The following KBTBD8 variants were observed in gnomAD, a reference collection of about 807,000 sequenced individuals.
KBTBD8 encodes the protein kelch repeat and BTB domain containing 8, also known as kelch repeat and BTB domain-containing protein 8.
KBTBD8 carries 31 observed loss-of-function variants against 53.5 expected under a neutral mutation model. The ratio of observed to expected loss-of-function variants is 0.58; its 90% CI spans 0.44 to 0.78. The LOEUF is 0.78. Ranked by LOEUF, KBTBD8 falls within the 30% of genes least tolerant of loss-of-function variation. KBTBD8 has a pLI of 0.00. For missense variants in KBTBD8, 642 were observed against 735.8 expected (o/e 0.87, Z 1.48); for synonymous variants, 250 against 247.3 (o/e 1.01, Z -0.10).
Position 67,003,455 on chromosome 3 carries a change from G to T in KBTBD8, c.488G>T (p.Gly163Val). 6.2e-7 allele frequency: 1 copy of T among 1,614,080 alleles called. No individual in the cohort carries two copies. Among genetic ancestry groups the T allele is most frequent in the Non-Finnish European group, 8.5e-7 (1 of 1,180,004 alleles). Residue 163 changes from glycine (G) to valine (V), a missense_variant, in exon 3 of 4, where the codon GGT becomes GTT. Transcript: ENST00000417314. ...GTCTTTATCTTTGCTGATCATTATG[G>T]TCATCAGGAACTCGGAGATCGATCA... ...IGVFIFADHY[G>V]HQELGDRSKE...
rs149118627 is a variant in KBTBD8, at chr3:67,002,654, C to T, written c.228-541C>T. ...AGTAGCTGGGATTACAGGGATGTGC[C>T]ACCACGCCCAGCTAATTTTTTATTT... On this transcript the variant is annotated intron_variant, in intron 2 of 3. Transcript: ENST00000417314. Among the ~76,000 whole-genome samples the T allele has an allele frequency of 9.3e-3, 1,412 of 151,634 alleles. 26 individuals carry two copies. The highest frequency in any genetic ancestry group is 0.033 in the African/African-American group (1,344 of 41,346).
In KBTBD8 at chr3:67,004,134, TG is replaced by T; in HGVS notation, c.1169del (p.Gly390ValfsTer19). On this transcript the variant is annotated frameshift_variant, in exon 3 of 4. Transcript: ENST00000417314. LOFTEE classifies it high-confidence loss of function. Reference protein sequence around the residue: ...RIGCKLVYCCGKMYAIGGRVY... With the variant: ...RIGCKLVYCCXKMYAIGGRVY... ...TAGGCTGCAAACTTGTCTATTGCTG[TG>T]GTAAAATGTATGCAATCGGAGGTCG... The T allele has an allele frequency of 6.2e-7, 1 of 1,614,218 alleles. No homozygotes were observed. The highest frequency in any genetic ancestry group is 8.5e-7 in the Non-Finnish European group (1 of 1,180,042).
In KBTBD8 at chr3:67,009,761, C is replaced by T. The variant is rs1702101365; in HGVS notation, c.*1376C>T. On this transcript the variant is annotated 3_prime_UTR_variant, in exon 4 of 4. Transcript: ENST00000417314. ...GTATACCTAAGGCAGGCATTTGGAT[C>T]AGTAACATGTTTTACTAAGCCTAGA... 1 of 152,560 alleles carries T rather than the reference C, an allele frequency of 6.6e-6. No homozygotes were observed. The highest frequency in any genetic ancestry group is 1.5e-5 in the Non-Finnish European group (1 of 68,006). The allele number at this position is 152,560 out of a possible 1,614,324, so 9.5% of individuals were successfully genotyped here.
Position 67,003,961 on chromosome 3 carries a change from T to G in KBTBD8, c.994T>G (p.Ser332Ala), listed in dbSNP as rs1702041029. The change falls in exon 3 of 4, where the codon TCA becomes GCA. Residue 332 changes from serine (S) to alanine (A), a missense_variant. Ser to Ala is a moderately conservative substitution (Grantham distance 99). Transcript: ENST00000417314. ...NDLREVGILV[S>A]PDNDIYIAGG... ...CCTGAGAGAAGTTGGGATTCTTGTA[T>G]CACCAGATAATGACATTTACATTGC... The G allele has an allele frequency of 6.2e-7, 1 of 1,614,130 alleles. No homozygotes were observed. Among genetic ancestry groups the G allele is most frequent in the East Asian group, 2.2e-5 (1 of 44,886 alleles).
Position 67,008,579 on chromosome 3 carries a change from A to G in KBTBD8, c.*194A>G, listed in dbSNP as rs1183737464. ...ATTTCATTTCAGTAAGGAAAAGATA[A>G]CAAAGTGCAATTATCAGCATTTTTT... On this transcript the variant is annotated 3_prime_UTR_variant, in exon 4 of 4. Coordinates refer to ENST00000417314, the MANE Select transcript of KBTBD8 (RefSeq NM_032505.3). The G allele has an allele frequency of 1.9e-6, 1 of 516,454 alleles. No homozygotes were observed. Among genetic ancestry groups the G allele is most frequent in the Non-Finnish European group, 3.4e-6 (1 of 293,346 alleles). 32.0% of individuals were successfully genotyped at this position (516,454 alleles called of 1,614,324 possible).
Position 67,010,106 on chromosome 3 carries a change from A to G in KBTBD8, c.*1721A>G, listed in dbSNP as rs1431468722. Reference sequence around the variant, plus strand: ...GTGGTTTCTTCTTATTGGTGTTGATAGTATGTCTGTAATCTCTGTATAAAC... The same window carrying G: ...GTGGTTTCTTCTTATTGGTGTTGATGGTATGTCTGTAATCTCTGTATAAAC... On this transcript the variant is annotated 3_prime_UTR_variant, in exon 4 of 4. Transcript: ENST00000417314. The G allele has an allele frequency of 1.3e-5, 2 of 152,572 alleles. No individual in the cohort carries two copies. The highest frequency in any genetic ancestry group is 2.9e-5 in the Non-Finnish European group (2 of 67,982). The allele number at this position is 152,572 out of a possible 1,614,324, so 9.5% of individuals were successfully genotyped here.
chr3:66,998,759 A>G (rs1398872456), intron 1 of KBTBD8, among the ~76,000 whole-genome samples: 1 of 152,172 alleles, frequency 6.6e-6, no homozygotes, highest in Non-Finnish European at 1.5e-5. Context: ...CGGGCTCCGC[A>G]GGAGCAGGCT....
chr3:67,007,149 C>G (rs1030818068), intron 3 of KBTBD8, among the ~76,000 whole-genome samples: 4 of 152,096 alleles, frequency 2.6e-5, no homozygotes, highest in African/African-American at 9.7e-5. Flanking sequence ...CATCTGCTGT[C>G]TTCTAATTAA....
intron 2 of KBTBD8, among the ~76,000 whole-genome samples, chr3:67,001,411 G>A (rs1702017661): frequency 6.6e-6 from 1 of 152,166 alleles, no homozygotes; most frequent in South Asian, 2.1e-4. Context: ...TGGATTTTGT[G>A]TGAGGAAGTG....
chr3:67,003,424 A>T lies in KBTBD8; in HGVS notation c.457A>T (p.Ile153Phe). 6.2e-7 allele frequency: 1 copy of T among 1,614,068 alleles called. No individual in the cohort carries two copies. Among genetic ancestry groups the T allele is most frequent in the Non-Finnish European group, 8.5e-7 (1 of 1,179,952 alleles). Reference protein sequence around the residue: ...MISHLDPQNSIGVFIFADHYG... With the variant: ...MISHLDPQNSFGVFIFADHYG... Reference sequence around the variant, plus strand: ...CAGTCATTTGGACCCACAGAATTCTATTGGGGTCTTTATCTTTGCTGATCA... The same window carrying T: ...CAGTCATTTGGACCCACAGAATTCTTTTGGGGTCTTTATCTTTGCTGATCA... Residue 153 changes from isoleucine to phenylalanine, a missense_variant, in exon 3 of 4, where the codon ATT becomes TTT. Ile to Phe is a conservative substitution (Grantham distance 21, BLOSUM62 0). Transcript: ENST00000417314.
At chr3:67,002,877 G>A (rs1702029875) in intron 2 of KBTBD8, among the ~76,000 whole-genome samples, 1 of 152,160 alleles carries the variant, frequency 6.6e-6, no homozygotes, top group Non-Finnish European at 1.5e-5. Flanking sequence ...CAGAACTCTG[G>A]ATAGGGGCTT....
At position 67,003,286 on chromosome 3, in the gene KBTBD8, TATGC is replaced by T. The variant is rs1702033227; in HGVS notation, c.320_323del (p.Tyr107SerfsTer36). 1.2e-6 allele frequency: 2 copies of T among 1,614,056 alleles called. No homozygotes were observed. Among genetic ancestry groups the T allele is most frequent in the African/African-American group, 2.7e-5 (2 of 74,926 alleles). The stretch of plus-strand genomic sequence containing the variant: ...TGAATCGATGGATTTAGTGTTGAAC[TATGC>T]CTACACTTCCAGAGTTATTCTTACA... On this transcript the variant is annotated frameshift_variant, in exon 3 of 4. Transcript: ENST00000417314. LOFTEE classifies it high-confidence loss of function.
rs137994976 is a variant in KBTBD8, at chr3:67,009,373, A to C, written c.*988A>C. On this transcript the variant is annotated 3_prime_UTR_variant, in exon 4 of 4. Coordinates refer to ENST00000417314, the MANE Select transcript of KBTBD8 (RefSeq NM_032505.3). The stretch of plus-strand genomic sequence containing the variant: ...AACCTTCTCTTCCATCTACCTGTCC[A>C]TTCATTATTGGTACAAGGAAAGGTA... 1 of 152,624 alleles carries C rather than the reference A, an allele frequency of 6.6e-6. No individual in the cohort carries two copies. The highest frequency in any genetic ancestry group is 1.5e-5 in the Non-Finnish European group (1 of 68,018). The allele number at this position is 152,624 out of a possible 1,614,324, so 9.5% of individuals were successfully genotyped here. A position where few individuals can be genotyped will look rare whatever the true frequency, so the allele number is the denominator to read the frequency against.
At position 67,007,987 on chromosome 3, in the gene KBTBD8, C is replaced by A. The variant is rs150800594; in HGVS notation, c.1408C>A (p.Pro470Thr). ...GGGTTTCTTAACCCCCATGACTGTGCCTAGAATCCAGGGCTTAGCAGCTGT... is the reference window on the plus strand; with the variant it reads ...GGGTTTCTTAACCCCCATGACTGTGACTAGAATCCAGGGCTTAGCAGCTGT... ...YWGFLTPMTV[P>T]RIQGLAAVYK... Residue 470 changes from proline to threonine, a missense_variant, in exon 4 of 4, where the codon CCT (proline) becomes ACT (threonine). Physicochemically the swap from Pro to Thr is conservative, Grantham distance 38. Coordinates refer to ENST00000417314, the MANE Select transcript of KBTBD8 (RefSeq NM_032505.3). 11 of 1,612,898 alleles carry A rather than the reference C, an allele frequency of 6.8e-6. No individual in the cohort carries two copies. Among genetic ancestry groups the A allele is most frequent in the Non-Finnish European group, 9.3e-6 (11 of 1,179,690 alleles).
chr3:67,008,686 A>G lies in KBTBD8; in HGVS notation c.*301A>G, dbSNP rs1040263217. The stretch of plus-strand genomic sequence containing the variant: ...AGGTACCAGATGAATCAGGACAACT[A>G]TGCACTCTTATAAGAGCATTTAGGG... On this transcript the variant is annotated 3_prime_UTR_variant, in exon 4 of 4. Coordinates refer to ENST00000417314, the MANE Select transcript of KBTBD8 (RefSeq NM_032505.3). 1.3e-5 allele frequency: 4 copies of G among 318,508 alleles called. No homozygotes were observed. The highest frequency in any genetic ancestry group is 6.2e-5 in the African/African-American group (3 of 48,006). 19.7% of individuals were successfully genotyped at this position (318,508 alleles called of 1,614,324 possible).
intron 3 of KBTBD8, among the ~76,000 whole-genome samples, chr3:67,007,227 T>C (rs1366421566): frequency 6.6e-6 from 1 of 152,208 alleles, no homozygotes; most frequent in African/African-American, 2.4e-5. Flanking sequence ...TCTTACTGGC[T>C]GAACGTTACT....
intron 1 of KBTBD8, 96 bp from the exon 2 acceptor site, chr3:66,998,885 G>T: frequency 1.1e-6 from 1 of 933,822 alleles, no homozygotes; most frequent in Non-Finnish European, 1.7e-6. Context: ...CTTGTAGGGG[G>T]AAAAAGCCTA....
Position 67,004,100 on chromosome 3 carries a change from G to T in KBTBD8, c.1133G>T (p.Arg378Leu). 6.2e-7 allele frequency: 1 copy of T among 1,614,130 alleles called. No individual in the cohort carries two copies. The highest frequency in any genetic ancestry group is 2.2e-5 in the East Asian group (1 of 44,874). ...TGGCTATCCAAACCATCCTTGCTTC[G>T]AGCCAGAATAGGCTGCAAACTTGTC... Reference protein sequence around the residue: ...NRWLSKPSLLRARIGCKLVYC... With the variant: ...NRWLSKPSLLLARIGCKLVYC... Residue 378 changes from arginine (R) to leucine (L), a missense_variant, in exon 3 of 4, where the codon CGA (arginine) becomes CTA (leucine). Arg to Leu is a moderately radical substitution (Grantham distance 102). Coordinates refer to ENST00000417314, the MANE Select transcript of KBTBD8 (RefSeq NM_032505.3).
At position 67,004,213 on chromosome 3, in the gene KBTBD8, A is replaced by G. The variant is rs907624207; in HGVS notation, c.1246A>G (p.Ser416Gly). ...ACTAAAATCTGTTGAGTGCTACGAC[A>G]GTAGAGAGAATTGTTGGACGACTGT... The part of the protein sequence containing the change: ...NSLKSVECYD[S>G]RENCWTTVCA... The change falls in exon 3 of 4, where the codon AGT becomes GGT. Residue 416 changes from serine (S) to glycine (G), a missense_variant. By Grantham distance (56) the Ser-to-Gly change is moderately conservative. Coordinates refer to ENST00000417314, the MANE Select transcript of KBTBD8 (RefSeq NM_032505.3). 1 of 1,614,224 alleles carries G rather than the reference A, an allele frequency of 6.2e-7. No individual in the cohort carries two copies. Among genetic ancestry groups the G allele is most frequent in the Non-Finnish European group, 8.5e-7 (1 of 1,180,024 alleles).
Sources: allele counts gnomAD v4.1 joint callset (sites outside exome capture counted in the v4.1 genomes callset), GRCh38; gene constraint gnomAD v4.1.1; transcripts MANE v1.5; gene names NCBI Gene and HGNC (gene_info 2026-07-23, HGNC 2026-07-21).